Variants in ZRANB2 observed in about 807,000 individuals in gnomAD.
ZRANB2 encodes zinc finger RANBP2-type containing 2.
A neutral mutation model predicts 53.4 loss-of-function variants in ZRANB2; 19 were observed. That is an observed-to-expected ratio of 0.36 (90% CI 0.25 to 0.52). The LOEUF is 0.52. Among genes scored for constraint, ZRANB2 ranks in the 20% least tolerant of loss-of-function variants. The probability of loss-of-function intolerance (pLI) is 0.93; values close to 1 mark genes in which losing one functional copy is unlikely to be tolerated. For synonymous variants in ZRANB2, 145 were observed against 134.8 expected (o/e 1.08, Z -0.52); for missense variants, 309 against 401.1 (o/e 0.77, Z 1.96).
At chr1:71,065,914 C>G (rs1387996766) in intron 9 of ZRANB2, 2 of 1,004,146 alleles carry the variant, frequency 2.0e-6, no homozygotes, top group East Asian at 2.8e-5. Flanking sequence ...TGCAGAGAAA[C>G]AAGACTGTGT....
At chr1:71,068,584 A>T (rs1459185668) in intron 8 of ZRANB2, among the ~76,000 whole-genome samples, 2 of 152,108 alleles carry the variant, frequency 1.3e-5, no homozygotes, top group Non-Finnish European at 2.9e-5. Flanking sequence ...GTGCTCTATA[A>T]ATAATAGCGT....
At chr1:71,069,138 A>T (rs188595061) in intron 8 of ZRANB2, 138 bp downstream of exon 8, 564 of 593,072 alleles carry the variant, frequency 9.5e-4, no homozygotes, top group Admixed American at 1.2e-3. Context: ...AATTAAGCTG[A>T]GGCAAGTGCA....
intron 1 of ZRANB2, among the ~76,000 whole-genome samples, chr1:71,079,190 G>C (rs1661778498): frequency 6.6e-6 from 1 of 151,900 alleles, no homozygotes; most frequent in South Asian, 2.1e-4. Flanking sequence ...AAATATGATA[G>C]GTTGTACTGA....
At chr1:71,070,263 T>C (rs1469548740) in intron 7 of ZRANB2, among the ~76,000 whole-genome samples, 1 of 44,828 alleles carries the variant, frequency 2.2e-5, no homozygotes. Flanking sequence ...AGAGATTACA[T>C]ATTTTACATC....
chr1:71,064,909 C>G lies in ZRANB2; in HGVS notation c.*165G>C. ...ACATTATGGCTTAAAATGCTATTTA[C>G]TTTTAACTTCACAAATAAACACAGC... On this transcript the variant is annotated 3_prime_UTR_variant, in exon 10 of 10. Transcript: ENST00000370920. 2.2e-6 allele frequency: 1 copy of G among 464,382 alleles called. No homozygotes were observed. Among genetic ancestry groups the G allele is most frequent in the East Asian group, 3.3e-5 (1 of 29,906 alleles). The allele number at this position is 464,382 out of a possible 1,614,324, so 28.8% of individuals were successfully genotyped here. A position where few individuals can be genotyped will look rare whatever the true frequency, so the allele number is the denominator to read the frequency against.
chr1:71,072,638 T>C, intron 4 of ZRANB2, 90 bp from the exon 5 acceptor site: 2 of 964,152 alleles, frequency 2.1e-6, no homozygotes, highest in Non-Finnish European at 1.6e-6. Context: ...ACAAAAAACA[T>C]CTAATCAACA....
intron 9 of ZRANB2, chr1:71,065,660 G>C: frequency 6.2e-7 from 1 of 1,605,650 alleles, no homozygotes; most frequent in Non-Finnish European, 8.5e-7. Context: ...CAGCTAGTAT[G>C]AATAAGTCAA....
intron 4 of ZRANB2, among the ~76,000 whole-genome samples, chr1:71,073,282 G>A (rs1447337311): frequency 6.6e-6 from 1 of 151,972 alleles, no homozygotes; most frequent in South Asian, 2.1e-4. Flanking sequence ...CTAGTTTTAG[G>A]AAAAGTGAGT....
chr1:71,071,108 C>G (rs142774098), intron 6 of ZRANB2, 112 bp from the exon 7 acceptor site: 14 of 865,242 alleles, frequency 1.6e-5, no homozygotes, highest in Non-Finnish European at 2.2e-5. Flanking sequence ...ACAGGTATCT[C>G]AGCAAATTAA....
intron 4 of ZRANB2, among the ~76,000 whole-genome samples, chr1:71,073,577 T>G (rs1350233684): frequency 6.6e-6 from 1 of 152,018 alleles, no homozygotes; most frequent in Admixed American, 6.6e-5. Flanking sequence ...GCATCTTTTC[T>G]TCATTATACT....
intron 1 of ZRANB2, among the ~76,000 whole-genome samples, chr1:71,080,223 G>A (rs1661807026): frequency 6.7e-6 from 1 of 149,684 alleles, no homozygotes; most frequent in Non-Finnish European, 1.5e-5. Flanking sequence ...AAAAAAATCT[G>A]ATTAACTATC....
intron 1 of ZRANB2, among the ~76,000 whole-genome samples, chr1:71,080,512 G>T (rs1255050754): frequency 1.3e-5 from 2 of 152,146 alleles, no homozygotes; most frequent in South Asian, 4.1e-4. Flanking sequence ...AACTATAAGA[G>T]GCAAAAGGAC....
intron 8 of ZRANB2, among the ~76,000 whole-genome samples, chr1:71,067,928 G>A (rs1661490338): frequency 6.7e-6 from 1 of 150,300 alleles, no homozygotes; most frequent in Admixed American, 6.6e-5. Flanking sequence ...CCAGGCTGTG[G>A]TGCAGTAGCA....
intron 6 of ZRANB2, 139 bp downstream of exon 6, chr1:71,071,982 G>C: frequency 7.9e-7 from 1 of 1,269,314 alleles, no homozygotes; most frequent in Non-Finnish European, 1.1e-6. Context: ...ACTTGGCAGA[G>C]TGGAAATCCA....
rs148874926 is a variant in ZRANB2 at position 71,074,874 on chromosome 1, G to A, written c.301+1921C>T. On this transcript the variant is annotated intron_variant, in intron 4 of 9. Coordinates refer to ENST00000370920, the MANE Select transcript of ZRANB2 (RefSeq NM_203350.3). ...TTATTACAAATAGCCAAAAGAAAGCGGAAAGCAACAGAGTAAGTTATTTCA... is the reference window on the plus strand; with the variant it reads ...TTATTACAAATAGCCAAAAGAAAGCAGAAAGCAACAGAGTAAGTTATTTCA... Among the ~76,000 whole-genome samples, 18 of 152,128 alleles carry A rather than the reference G, an allele frequency of 1.2e-4. No individual in the cohort carries two copies. The East Asian group carries it at 2.7e-3, about 23-fold the overall frequency.
At chr1:71,068,083 T>C (rs889213069) in intron 8 of ZRANB2, among the ~76,000 whole-genome samples, 28 of 152,292 alleles carry the variant, frequency 1.8e-4, no homozygotes, top group African/African-American at 6.5e-4. Context: ...CAGGCTGGTC[T>C]TGAACTCCTG....
At chr1:71,069,473 A>C in intron 7 of ZRANB2, 111 bp from the exon 8 acceptor site, 1 of 683,848 alleles carries the variant, frequency 1.5e-6, no homozygotes, top group Non-Finnish European at 2.5e-6. Context: ...TAAAAAGATA[A>C]CTATACAAGA....
At chr1:71,078,901 A>G (rs1661770803) in intron 1 of ZRANB2, among the ~76,000 whole-genome samples, 193 bp from the exon 2 acceptor site, 1 of 152,200 alleles carries the variant, frequency 6.6e-6, no homozygotes, top group South Asian at 2.1e-4. Context: ...AATTCAGAAT[A>G]AGATATCCCA....
chr1:71,080,842 AAGGCAC>A, intron 1 of ZRANB2, 92 bp downstream of exon 1: 5 of 1,421,676 alleles, frequency 3.5e-6, no homozygotes, highest in Non-Finnish European at 5.0e-6. Context: ...AACCCGTCTT[AAGGCAC>A]AGAAAATCAT....
Sources: gnomAD v4.1 joint callset for allele counts (sites outside exome capture counted in the v4.1 genomes callset) on GRCh38, gnomAD v4.1.1 for gene constraint, MANE v1.5 for transcripts, NCBI Gene and HGNC (gene_info 2026-07-23, HGNC 2026-07-21) for gene names.